LMNB1: variants seen among roughly 807,000 people sequenced by gnomAD.
LMNB1 encodes the protein lamin B1.
LMNB1 carries 23 observed loss-of-function variants against 67.1 expected under a neutral mutation model. That is an observed-to-expected ratio of 0.34 (90% CI 0.25 to 0.49). The LOEUF (loss-of-function observed/expected upper bound fraction) is 0.49, where lower values mean the gene tolerates loss of function less well. LMNB1 is among the 20% of genes least tolerant of loss of function. The pLI is 0.99. For synonymous variants in LMNB1, 281 were observed against 282.9 expected, an observed-to-expected ratio of 0.99 and a Z score of 0.07; for missense variants, 634 against 746.5, an observed-to-expected ratio of 0.85 and a Z score of 1.76.
Position 126,822,792 on chromosome 5 carries a change from G to A in LMNB1, c.1398G>A (p.Met466Ile), listed in dbSNP as rs144299299. The A allele has an allele frequency of 6.2e-7, 1 of 1,606,600 alleles. No individual in the cohort carries two copies. The highest frequency in any genetic ancestry group is 1.3e-5 in the African/African-American group (1 of 74,844). ...CTTTCTGTGTGTAGGATCAACCAAT[G>A]GGAGGCTGGGAGATGATCAGAAAAA... The part of the protein sequence containing the change: ...LKNTSEQDQP[M>I]GGWEMIRKIG... Residue 466 changes from methionine to isoleucine, a missense_variant, in exon 8 of 11, where the codon ATG becomes ATA. Physicochemically the swap from Met to Ile is conservative, Grantham distance 10. Coordinates refer to ENST00000261366, the MANE Select transcript of LMNB1 (RefSeq NM_005573.4).
At chr5:126,835,057 T>C (rs1445676176) in intron 10 of LMNB1, among the ~76,000 whole-genome samples, 1 of 152,140 alleles carries the variant, frequency 6.6e-6, no homozygotes, top group Admixed American at 6.5e-5. Flanking sequence ...AAAATATCAC[T>C]GGCCAAGCTG....
chr5:126,824,895 C>T (rs1252208678), intron 8 of LMNB1, among the ~76,000 whole-genome samples: 1 of 119,824 alleles, frequency 8.3e-6, no homozygotes, highest in Middle Eastern at 6.8e-3. Context: ...ACCATTTTGC[C>T]CAGGCTGGTT....
At chr5:126,806,499 A>G (rs1254224103) in intron 3 of LMNB1, among the ~76,000 whole-genome samples, 4 of 152,196 alleles carry the variant, frequency 2.6e-5, no homozygotes, top group Admixed American at 6.5e-5. Flanking sequence ...ATGGCATCTG[A>G]GCTCTTTCAC....
intron 1 of LMNB1, among the ~76,000 whole-genome samples, chr5:126,804,160 C>T (rs1332906658): frequency 1.3e-5 from 2 of 151,604 alleles, no homozygotes; most frequent in Non-Finnish European, 1.5e-5. Context: ...GCAGCCTCAA[C>T]CTCCTGGGCT....
chr5:126,800,982 A>ATATATATTTTTTTTTTTTTTTTTT, intron 1 of LMNB1, among the ~76,000 whole-genome samples: 1 of 18,632 alleles, frequency 5.4e-5, no homozygotes. Flanking sequence ...TATATATATA[A>ATATATATTTTTTTTTTTTTTTTTT]TTTTTTTTTT....
chr5:126,826,682 C>A (rs1245338916), intron 9 of LMNB1, among the ~76,000 whole-genome samples: 1 of 152,154 alleles, frequency 6.6e-6, no homozygotes, highest in East Asian at 1.9e-4. Flanking sequence ...GCATATACCC[C>A]TACCAATACT....
At chr5:126,779,286 G>A (rs1750563100) in intron 1 of LMNB1, among the ~76,000 whole-genome samples, 1 of 152,186 alleles carries the variant, frequency 6.6e-6, no homozygotes, top group Admixed American at 6.6e-5. Context: ...CTTTCCGGAG[G>A]CAATCACATT....
At chr5:126,821,720 G>A (rs903844176) in intron 7 of LMNB1, among the ~76,000 whole-genome samples, 5 of 152,210 alleles carry the variant, frequency 3.3e-5, no homozygotes, top group African/African-American at 4.8e-5. Context: ...GCTCTGTAGT[G>A]TGGGCCTTCC....
intron 1 of LMNB1, among the ~76,000 whole-genome samples, chr5:126,794,262 G>A (rs909386155): frequency 1.3e-4 from 20 of 152,038 alleles, no homozygotes; most frequent in Admixed American, 2.6e-4. Flanking sequence ...TTTTAATTTC[G>A]GGGAAGTTCA....
At chr5:126,821,571 C>T (rs2126729839) in intron 7 of LMNB1, among the ~76,000 whole-genome samples, 1 of 152,302 alleles carries the variant, frequency 6.6e-6, no homozygotes, top group Admixed American at 6.5e-5. Context: ...GAATATTTTT[C>T]CCTGCAAATA....
chr5:126,808,730 G>C (rs1751513069), intron 3 of LMNB1, among the ~76,000 whole-genome samples: 1 of 152,116 alleles, frequency 6.6e-6, no homozygotes, highest in African/African-American at 2.4e-5. Flanking sequence ...TGATTTTTCA[G>C]ATTTTGTCAA....
Position 126,805,666 on chromosome 5 carries a change from C to T in LMNB1, c.612C>T (p.Asp204=). 1 of 1,611,828 alleles carries T rather than the reference C, an allele frequency of 6.2e-7. No homozygotes were observed. Among genetic ancestry groups the T allele is most frequent in the Non-Finnish European group, 8.5e-7 (1 of 1,178,702 alleles). The change falls in exon 3 of 11, where the codon GAC becomes GAT. Residue 204 remains aspartate (D), a synonymous_variant. Transcript: ENST00000261366. ...ATCGTTGTCAGAGCCTTACTGAGGA[C>T]TTGGAGTTTCGCAAAAGCATGTATG... The part of the protein sequence containing the change: ...LENRCQSLTE[D]LEFRKSMYEE...
At position 126,821,127 on chromosome 5, in the gene LMNB1, T is replaced by A. The variant is rs758997994; in HGVS notation, c.1378T>A (p.Ser460Thr). 6.2e-7 allele frequency: 1 copy of A among 1,607,808 alleles called. No individual in the cohort carries two copies. The highest frequency in any genetic ancestry group is 2.2e-5 in the East Asian group (1 of 44,862). Residue 460 changes from serine (S) to threonine (T), a missense_variant, in exon 7 of 11, where the codon TCT (serine) becomes ACT (threonine). Transcript: ENST00000261366. The stretch of plus-strand genomic sequence containing the variant: ...GAAATTTATCCGCTTGAAGAACACT[T>A]CTGAACAGGTAATAAAATAGACCCT... ...DGKFIRLKNT[S>T]EQDQPMGGWE...
chr5:126,784,442 G>C (rs1285650221), intron 1 of LMNB1, among the ~76,000 whole-genome samples: 1 of 143,692 alleles, frequency 7.0e-6, no homozygotes, highest in Non-Finnish European at 1.5e-5. Context: ...TGCAACCTCC[G>C]CCCCTCCAGG....
intron 1 of LMNB1, among the ~76,000 whole-genome samples, chr5:126,794,035 A>C (rs1329814442): frequency 1.3e-5 from 2 of 151,972 alleles, no homozygotes; most frequent in Non-Finnish European, 2.9e-5. Flanking sequence ...CCTGGGTTCA[A>C]GCGATTCTCC....
chr5:126,823,946 A>C (rs766887259), intron 8 of LMNB1, among the ~76,000 whole-genome samples: 17 of 152,204 alleles, frequency 1.1e-4, no homozygotes, highest in Non-Finnish European at 1.6e-4. Flanking sequence ...ATTTTAGTTC[A>C]GAGGATTCAG....
intron 1 of LMNB1, among the ~76,000 whole-genome samples, chr5:126,787,546 A>ATATATATTTTTTTTTTTTTTTTTTTTTTT: frequency 1.5e-5 from 1 of 65,584 alleles, no homozygotes; most frequent in Non-Finnish European, 2.7e-5. Context: ...ATATATATAT[A>ATATATATTTTTTTTTTTTTTTTTTTTTTT]TTTTTTTTTT....
chr5:126,800,976 TATATAA>T (rs1476825683), intron 1 of LMNB1, among the ~76,000 whole-genome samples: 31 of 86,898 alleles, frequency 3.6e-4, no homozygotes, highest in South Asian at 8.6e-4. Flanking sequence ...TATATATATA[TATATAA>T]TTTTTTTTTT....
At chr5:126,814,492 G>C (rs1328329788) in intron 5 of LMNB1, among the ~76,000 whole-genome samples, 1 of 151,476 alleles carries the variant, frequency 6.6e-6, no homozygotes, top group Non-Finnish European at 1.5e-5. Flanking sequence ...TTCTAACCTA[G>C]GTTCAAGGCT....
Sources: allele counts gnomAD v4.1 joint callset (sites outside exome capture counted in the v4.1 genomes callset), GRCh38; gene constraint gnomAD v4.1.1; transcripts MANE v1.5; gene names NCBI Gene and HGNC (gene_info 2026-07-23, HGNC 2026-07-21).